The following DNAJB1 variants were observed in gnomAD, a reference collection of about 807,000 sequenced individuals.
The protein encoded by DNAJB1 is DnaJ heat shock protein family (Hsp40) member B1, also known as dnaJ homolog subfamily B member 1.
In DNAJB1, 14 loss-of-function variants were observed where a neutral mutation model predicts 24.0. The ratio of observed to expected loss-of-function variants is 0.58; its 90% CI spans 0.39 to 0.91. The LOEUF is 0.91. DNAJB1 is among the 40% of genes least tolerant of loss of function. The pLI is 0.00. For missense variants in DNAJB1, 517 were observed against 458.1 expected (o/e 1.13, Z -1.17); for synonymous variants, 262 against 174.4 (o/e 1.50, Z -3.96).
At chr19:14,517,285 T>G (rs1599380564) in intron 1 of DNAJB1, 1 of 509,556 alleles carries the variant, frequency 2.0e-6, no homozygotes, top group Admixed American at 3.5e-5. Context: ...GGTGTTCACC[T>G]CCAGGTGCCA....
upstream of DNAJB1, among the ~76,000 whole-genome samples, chr19:14,553,933 C>G (rs1411016043): frequency 6.6e-6 from 1 of 152,182 alleles, no homozygotes; most frequent in Admixed American, 6.5e-5. Flanking sequence ...GCTCGCACCC[C>G]CAGCCAGGCC....
chr19:14,554,799 A>AGATG (rs2073660227), upstream of DNAJB1, among the ~76,000 whole-genome samples: 1 of 149,386 alleles, frequency 6.7e-6, no homozygotes, highest in Non-Finnish European at 1.5e-5. Context: ...TTTTTTTTTG[A>AGATG]GATGGAGTTT....
chr19:14,517,299 A>C, intron 1 of DNAJB1: 1 of 490,700 alleles, frequency 2.0e-6, no homozygotes, highest in Non-Finnish European at 3.7e-6. Flanking sequence ...GGTGCCACCT[A>C]GGCCCTGCCA....
chr19:14,552,313 C>T (rs574338483), upstream of DNAJB1, among the ~76,000 whole-genome samples: 526 of 151,370 alleles, frequency 3.5e-3, 6 homozygotes, highest in African/African-American at 0.012. Context: ...GGATTATAGG[C>T]GTGAGCCACC....
chr19:14,547,125 A>G lies in DNAJB1; in HGVS notation c.-214+3083T>C, dbSNP rs185542008. Among the ~76,000 whole-genome samples, 111 of 152,328 alleles carry G rather than the reference A, an allele frequency of 7.3e-4. 1 individual carries two copies. The highest frequency in any genetic ancestry group is 2.5e-3 in the African/African-American group (105 of 41,554). On this transcript the variant is annotated intron_variant, in intron 1 of 3. Transcript: ENST00000676982. Reference sequence around the variant, plus strand: ...CAACGTCAAAGCAAAAAGAGAGCCAATGTTAAAGAGCTTATTCATAGCCTC... The same window carrying G: ...CAACGTCAAAGCAAAAAGAGAGCCAGTGTTAAAGAGCTTATTCATAGCCTC...
chr19:14,542,380 AG>A (rs367625969), intron 1 of DNAJB1, among the ~76,000 whole-genome samples: 997 of 39,368 alleles, frequency 0.025, 38 homozygotes, highest in African/African-American at 0.068. Flanking sequence ...TTTTTTTCTG[AG>A]ATGGAGTTTC....
chr19:14,534,992 T>C (rs1179920907), intron 1 of DNAJB1, among the ~76,000 whole-genome samples: 1 of 152,092 alleles, frequency 6.6e-6, no homozygotes, highest in Non-Finnish European at 1.5e-5. Flanking sequence ...GGCGAGGTGC[T>C]GCGGGTCAGT....
At position 14,542,349 on chromosome 19, in the gene DNAJB1, T is replaced by G. The variant is rs924959528; in HGVS notation, c.-214+7859A>C. Among the ~76,000 whole-genome samples, 280 of 44,500 alleles carry G rather than the reference T, an allele frequency of 6.3e-3. 8 individuals are homozygous for G. The highest frequency in any genetic ancestry group is 0.028 in the African/African-American group (267 of 9,660). 29.2% of individuals were successfully genotyped at this position (44,500 alleles called of 152,430 possible). ...TCAGGGGGCCCTCATGCCATAGTGT[T>G]TTTTTTTTTTTTTTTTTTTTTTTTT... is the stretch of plus-strand genomic sequence containing the variant. On this transcript the variant is annotated intron_variant, in intron 1 of 3. Coordinates refer to the DNAJB1 transcript ENST00000676982.
upstream of DNAJB1, among the ~76,000 whole-genome samples, chr19:14,553,804 G>A (rs530891760): frequency 6.8e-4 from 103 of 152,300 alleles, no homozygotes; most frequent in Non-Finnish European, 1.2e-3. Flanking sequence ...AGGGAGCTCA[G>A]GCGATGAGTG....
At chr19:14,550,801 C>T (rs2073473314), upstream of DNAJB1, among the ~76,000 whole-genome samples, 1 of 151,954 alleles carries the variant, frequency 6.6e-6, no homozygotes, top group Non-Finnish European at 1.5e-5. Context: ...CTGTCTCAGC[C>T]TCCCCCGTAG....
At chr19:14,555,415 A>T (rs1182785953) in intron 1 of DNAJB1, among the ~76,000 whole-genome samples, 1 of 136,868 alleles carries the variant, frequency 7.3e-6, no homozygotes, top group Non-Finnish European at 1.6e-5. Flanking sequence ...TGCCCAGCAA[A>T]TTTTTTTGTA....
chr19:14,544,552 G>A (rs2073236993), intron 1 of DNAJB1, among the ~76,000 whole-genome samples: 1 of 148,934 alleles, frequency 6.7e-6, no homozygotes, highest in Non-Finnish European at 1.5e-5. Flanking sequence ...TGAGCTTATA[G>A]CATATCCTTG....
intron 1 of DNAJB1, among the ~76,000 whole-genome samples, chr19:14,540,167 C>T (rs2073049346): frequency 6.6e-6 from 1 of 151,832 alleles, no homozygotes; most frequent in South Asian, 2.1e-4. Context: ...TCACGCCATT[C>T]TCCTGCCTCA....
chr19:14,542,908 C>T (rs10418939), intron 1 of DNAJB1, among the ~76,000 whole-genome samples: 50,445 of 151,792 alleles, frequency 0.33, 8,965 homozygotes, highest in Non-Finnish European at 0.41. Context: ...CAGGCTCTTA[C>T]GTAAGCAGAG....
upstream of DNAJB1, chr19:14,518,467 G>A: frequency 1.3e-6 from 1 of 771,860 alleles, no homozygotes; most frequent in Non-Finnish European, 1.8e-6. Flanking sequence ...GCCCCCTCCA[G>A]AACCTTCCGC....
chr19:14,517,107 C>T, intron 1 of DNAJB1, 61 bp from the exon 2 acceptor site: 6 of 1,524,284 alleles, frequency 3.9e-6, no homozygotes, highest in Non-Finnish European at 5.3e-6. Flanking sequence ...TCGAGCTTCC[C>T]TTACAGGGGG....
chr19:14,558,624 G>A lies in DNAJB1; in HGVS notation c.-2166+1407C>T, dbSNP rs142364787. On this transcript the variant is annotated intron_variant, in intron 1 of 5. Transcript: ENST00000679223. ...GGCCAGAGTGCCTGCCTGTCTGCCC[G>A]TTCCTGCCCTCTCCCTGCCCGTCGT... Among the ~76,000 whole-genome samples the A allele has an allele frequency of 7.6e-3, 1,152 of 152,222 alleles. 47 individuals carry two copies. Among genetic ancestry groups the A allele is most frequent in the Admixed American group, 0.064 (978 of 15,290 alleles).
At chr19:14,521,152 G>A (rs2072355233), upstream of DNAJB1, among the ~76,000 whole-genome samples, 1 of 152,120 alleles carries the variant, frequency 6.6e-6, no homozygotes, top group South Asian at 2.1e-4. Flanking sequence ...GGCCTTTCTG[G>A]TTGTTCTAAA....
chr19:14,545,414 C>A (rs934592342), intron 1 of DNAJB1, among the ~76,000 whole-genome samples: 9 of 152,186 alleles, frequency 5.9e-5, no homozygotes, highest in Admixed American at 5.9e-4. Context: ...CCCTCTGCAC[C>A]GCTGTCTCCT....
Sources: allele counts gnomAD v4.1 joint callset (sites outside exome capture counted in the v4.1 genomes callset), GRCh38; gene constraint gnomAD v4.1.1; transcripts MANE v1.5; gene names NCBI Gene and HGNC (gene_info 2026-07-23, HGNC 2026-07-21).